Variants in IMMP2L observed in about 807,000 individuals in gnomAD.
IMMP2L encodes mitochondrial inner membrane protease subunit 2.
IMMP2L carries 18 observed loss-of-function variants against 19.3 expected under a neutral mutation model. The observed-to-expected ratio is 0.93, with a 90% CI of 0.64 to 1.38. The LOEUF (loss-of-function observed/expected upper bound fraction) is 1.38. IMMP2L is among the 40% of genes most tolerant of loss of function. IMMP2L has a pLI of 0.00. For synonymous variants in IMMP2L, 76 were observed against 73.0 expected (o/e 1.04, Z -0.21); for missense variants, 233 against 218.2 (o/e 1.07, Z -0.43).
intron 5 of IMMP2L, among the ~76,000 whole-genome samples, chr7:110,853,122 G>C (rs775441904): frequency 6.6e-6 from 1 of 151,458 alleles, no homozygotes; most frequent in East Asian, 1.9e-4. Flanking sequence ...ACACACACAC[G>C]CATATATCTG....
chr7:111,383,595 T>A (rs2131251781), intron 3 of IMMP2L, among the ~76,000 whole-genome samples: 1 of 152,240 alleles, frequency 6.6e-6, no homozygotes, highest in Admixed American at 6.6e-5. Flanking sequence ...TTGTCCACCT[T>A]TTAAACAGTA....
intron 3 of IMMP2L, among the ~76,000 whole-genome samples, chr7:111,330,520 A>C (rs2130651646): frequency 6.6e-6 from 1 of 151,842 alleles, no homozygotes; most frequent in East Asian, 1.9e-4. Context: ...GAAAAAAAAA[A>C]CTTGTAACAA....
chr7:111,138,195 A>G (rs1363290896), intron 3 of IMMP2L, among the ~76,000 whole-genome samples: 1 of 152,190 alleles, frequency 6.6e-6, no homozygotes, highest in Non-Finnish European at 1.5e-5. Context: ...ATTCTTTTCA[A>G]AAGATTTAGT....
chr7:110,689,550 C>T (rs948405823), intron 5 of IMMP2L, among the ~76,000 whole-genome samples: 16 of 151,786 alleles, frequency 1.1e-4, no homozygotes, highest in Admixed American at 7.9e-4. Context: ...TTTTCTTTTT[C>T]AAATTTACTT....
intron 1 of IMMP2L, among the ~76,000 whole-genome samples, chr7:111,530,932 C>T (rs1447873659): frequency 6.6e-6 from 1 of 151,382 alleles, no homozygotes; most frequent in Non-Finnish European, 1.5e-5. Flanking sequence ...TATATTAAGA[C>T]AAGTGAGACA....
chr7:110,885,991 A>C (rs1412499780), intron 5 of IMMP2L, among the ~76,000 whole-genome samples: 1 of 152,028 alleles, frequency 6.6e-6, no homozygotes, highest in African/African-American at 2.4e-5. Context: ...TCTAACATAA[A>C]AGTATGTACG....
At chr7:110,999,810 G>C (rs1271053907) in intron 3 of IMMP2L, among the ~76,000 whole-genome samples, 2 of 152,110 alleles carry the variant, frequency 1.3e-5, no homozygotes, top group Non-Finnish European at 2.9e-5. Context: ...TGCTGAGAAA[G>C]AAGGACTTAT....
At chr7:111,086,502 T>C (rs1216351265) in intron 3 of IMMP2L, among the ~76,000 whole-genome samples, 2 of 152,070 alleles carry the variant, frequency 1.3e-5, no homozygotes, top group Admixed American at 1.3e-4. Context: ...AGAACCTCTG[T>C]TTTTCTCCAA....
chr7:111,275,668 C>T (rs1346462125), intron 3 of IMMP2L, among the ~76,000 whole-genome samples: 2 of 152,062 alleles, frequency 1.3e-5, no homozygotes, highest in East Asian at 3.9e-4. Context: ...ATGATTCTTC[C>T]AATCTGTGAG....
intron 3 of IMMP2L, among the ~76,000 whole-genome samples, chr7:111,220,962 T>C (rs1013205824): frequency 3.9e-5 from 6 of 152,158 alleles, no homozygotes; most frequent in Admixed American, 1.3e-4. Flanking sequence ...TCCACCCACA[T>C]TGGAAAGGGC....
intron 3 of IMMP2L, among the ~76,000 whole-genome samples, chr7:111,059,854 A>G (rs2129574352): frequency 6.6e-6 from 1 of 152,146 alleles, no homozygotes; most frequent in African/African-American, 2.4e-5. Flanking sequence ...CATTCAGGGT[A>G]TGAATATATA....
At chr7:111,536,680 C>G (rs1847916614) in intron 1 of IMMP2L, among the ~76,000 whole-genome samples, 1 of 152,056 alleles carries the variant, frequency 6.6e-6, no homozygotes, top group South Asian at 2.1e-4. Context: ...TTCCCTTGCA[C>G]ATATAAAAAA....
In IMMP2L at chr7:110,727,903, A is replaced by G. The variant is rs1482361036; in HGVS notation, c.409-64182T>C. On this transcript the variant is annotated intron_variant, in intron 5 of 5. Coordinates refer to ENST00000405709, the MANE Select transcript of IMMP2L (RefSeq NM_032549.4). The surrounding 1 kb of genome is among the most constrained non-coding windows in gnomAD (Gnocchi z 4.3). The stretch of plus-strand genomic sequence containing the variant: ...ACATCTAACAAGTTGTGCTAAGTCA[A>G]CATAACAGCTACATACCTAACAAGC... 6.6e-6 allele frequency among the ~76,000 whole-genome samples: 1 copy of G among 152,200 alleles called. No homozygotes were observed. The highest frequency in any genetic ancestry group is 1.9e-4 in the East Asian group (1 of 5,194).
At chr7:111,504,932 A>G (rs2132492047) in intron 2 of IMMP2L, among the ~76,000 whole-genome samples, 1 of 152,086 alleles carries the variant, frequency 6.6e-6, no homozygotes, top group Middle Eastern at 3.4e-3. Context: ...CATGTCTAAA[A>G]CACCAAAAGC....
chr7:110,785,808 A>G (rs1408001116), intron 5 of IMMP2L, among the ~76,000 whole-genome samples: 1 of 151,982 alleles, frequency 6.6e-6, no homozygotes, highest in African/African-American at 2.4e-5. Context: ...AAATATGGTA[A>G]TAAAATTTCA....
At chr7:111,262,378 C>T (rs1817401511) in intron 3 of IMMP2L, among the ~76,000 whole-genome samples, 1 of 151,824 alleles carries the variant, frequency 6.6e-6, no homozygotes, top group Non-Finnish European at 1.5e-5. Context: ...GTGAATGAGC[C>T]GGCTATGAGA....
rs1356672771 is a variant in IMMP2L at position 111,123,832 on chromosome 7, A to G, written c.240-160267T>C. On this transcript the variant is annotated intron_variant, in intron 3 of 5. Coordinates refer to ENST00000405709, the MANE Select transcript of IMMP2L (RefSeq NM_032549.4). The surrounding 1 kb of genome is among the most constrained non-coding windows in gnomAD (Gnocchi z 6.4). Reference sequence around the variant, plus strand: ...TCTCAGTGCCCTGTACCATGGTACCATTGAGTCTCTGCCAAACCTCAAGGA... The same window carrying G: ...TCTCAGTGCCCTGTACCATGGTACCGTTGAGTCTCTGCCAAACCTCAAGGA... The G allele has an allele frequency of 1.2e-6, 2 of 1,614,000 alleles. No individual in the cohort carries two copies. Among genetic ancestry groups the G allele is most frequent in the Non-Finnish European group, 1.7e-6 (2 of 1,179,962 alleles).
At chr7:111,414,931 C>T (rs1834820045) in intron 3 of IMMP2L, among the ~76,000 whole-genome samples, 1 of 151,724 alleles carries the variant, frequency 6.6e-6, no homozygotes, top group African/African-American at 2.4e-5. Flanking sequence ...CTGAAGATTC[C>T]CTTCCCCTTG....
At chr7:111,317,603 G>A (rs1824246449) in intron 3 of IMMP2L, among the ~76,000 whole-genome samples, 1 of 152,056 alleles carries the variant, frequency 6.6e-6, no homozygotes, top group Non-Finnish European at 1.5e-5. Flanking sequence ...TTAGCAAAGA[G>A]TACATGGCAT....
Sources: gnomAD v4.1 joint callset for allele counts (sites outside exome capture counted in the v4.1 genomes callset) on GRCh38, gnomAD v4.1.1 for gene constraint, Gnocchi (gnomAD v3.1) non-coding constraint, MANE v1.5 for transcripts, NCBI Gene and HGNC (gene_info 2026-07-23, HGNC 2026-07-21) for gene names.